Variants in ADAMTSL1 observed in about 807,000 individuals in gnomAD.
ADAMTSL1 encodes the protein ADAMTS-like protein 1.
Under a neutral mutation model 201.8 loss-of-function variants are expected in ADAMTSL1, and 126 were observed. The ratio of observed to expected loss-of-function variants is 0.62; its 90% CI spans 0.54 to 0.72. The LOEUF is 0.72. Among genes scored for constraint, ADAMTSL1 ranks in the 30% least tolerant of loss-of-function variants. ADAMTSL1 has a pLI of 0.00. For missense variants in ADAMTSL1, 2,679 were observed against 2,277.8 expected (o/e 1.18, Z -3.59); for synonymous variants, 1,121 against 903.4 (o/e 1.24, Z -4.32).
intron 1 of ADAMTSL1, among the ~76,000 whole-genome samples, chr9:17,949,690 C>T (rs1233389704): frequency 6.6e-6 from 1 of 152,130 alleles, no homozygotes; most frequent in Admixed American, 6.6e-5. Context: ...CCTTTCTTAT[C>T]TTTCTTCTCC....
At chr9:18,690,620 A>G (rs377253322) in intron 13 of ADAMTSL1, among the ~76,000 whole-genome samples, 17 of 152,348 alleles carry the variant, frequency 1.1e-4, no homozygotes, top group Admixed American at 9.8e-4. Context: ...ATCAATAAAA[A>G]GAATGTTCAA....
At chr9:18,903,043 A>G (rs996646610) in intron 26 of ADAMTSL1, among the ~76,000 whole-genome samples, 3 of 152,094 alleles carry the variant, frequency 2.0e-5, no homozygotes, top group African/African-American at 7.2e-5. Flanking sequence ...CATCTCTACT[A>G]AAAATACAAA....
At chr9:18,862,926 C>G (rs1353851507) in intron 23 of ADAMTSL1, among the ~76,000 whole-genome samples, 3 of 152,172 alleles carry the variant, frequency 2.0e-5, no homozygotes, top group Non-Finnish European at 2.9e-5. Flanking sequence ...CAAGAGCCTA[C>G]TGGCAGAGAA....
At chr9:18,437,129 G>A (rs147673008) in intron 2 of ADAMTSL1, among the ~76,000 whole-genome samples, 14 of 151,640 alleles carry the variant, frequency 9.2e-5, no homozygotes, top group African/African-American at 3.1e-4. Context: ...CATGGAGGGG[G>A]ACACTCTGCG....
At chr9:18,677,567 G>A (rs1353534968) in intron 10 of ADAMTSL1, among the ~76,000 whole-genome samples, 2 of 151,920 alleles carry the variant, frequency 1.3e-5, no homozygotes, top group Non-Finnish European at 2.9e-5. Context: ...TCAAGTTTAT[G>A]TTTTTCCTGT....
intron 1 of ADAMTSL1, among the ~76,000 whole-genome samples, chr9:17,962,534 T>C (rs1186298654): frequency 6.6e-6 from 1 of 152,154 alleles, no homozygotes; most frequent in Admixed American, 6.6e-5. Context: ...TAAAGAAAAC[T>C]TCTCATTGAG....
chr9:18,075,313 T>C (rs1237148358), intron 1 of ADAMTSL1, among the ~76,000 whole-genome samples: 1 of 152,194 alleles, frequency 6.6e-6, no homozygotes, highest in Non-Finnish European at 1.5e-5. Context: ...CTTGTATGCA[T>C]TTTTAAAAAG....
In ADAMTSL1 at chr9:18,167,278, T is replaced by C. The variant is rs146915368; in HGVS notation, c.207+3297T>C. 2.6e-5 allele frequency among the ~76,000 whole-genome samples: 4 copies of C among 152,088 alleles called. No individual in the cohort carries two copies. The East Asian group carries it at 5.8e-4, about 22-fold the overall frequency. On this transcript the variant is annotated intron_variant, in intron 2 of 29. Coordinates refer to the ADAMTSL1 transcript ENST00000680146. The stretch of plus-strand genomic sequence containing the variant: ...GTAATTAGTGTACACTTCATTTGCC[T>C]GTAGCTTTGTGGTAAACACAGTGGT...
chr9:18,335,004 A>G (rs1289845200), intron 2 of ADAMTSL1, among the ~76,000 whole-genome samples: 2 of 152,146 alleles, frequency 1.3e-5, no homozygotes, highest in East Asian at 3.9e-4. Context: ...AATTATTTGT[A>G]TATCATATAT....
intron 2 of ADAMTSL1, among the ~76,000 whole-genome samples, chr9:18,531,329 C>A (rs998959453): frequency 1.3e-5 from 2 of 152,174 alleles, no homozygotes; most frequent in African/African-American, 4.8e-5. Flanking sequence ...GAATAATCAT[C>A]GGTATCAGTA....
At chr9:17,971,113 A>G (rs909283294) in intron 1 of ADAMTSL1, among the ~76,000 whole-genome samples, 1 of 152,094 alleles carries the variant, frequency 6.6e-6, no homozygotes, top group African/African-American at 2.4e-5. Context: ...GGTGGCCTTA[A>G]TGCTGTTTGT....
intron 2 of ADAMTSL1, among the ~76,000 whole-genome samples, chr9:18,521,141 T>A (rs552366563): frequency 6.6e-6 from 1 of 152,214 alleles, no homozygotes; most frequent in Non-Finnish European, 1.5e-5. Flanking sequence ...AGACACATTT[T>A]AATGTTTAAG....
chr9:18,752,239 G>C (rs180856605), intron 15 of ADAMTSL1, among the ~76,000 whole-genome samples: 1 of 151,092 alleles, frequency 6.6e-6, no homozygotes. Context: ...GTGGAAACAG[G>C]TTGGAAAGTT....
intron 2 of ADAMTSL1, among the ~76,000 whole-genome samples, chr9:18,297,520 C>T (rs1833521140): frequency 6.6e-6 from 1 of 152,114 alleles, no homozygotes; most frequent in Non-Finnish European, 1.5e-5. Context: ...TCATGAACTG[C>T]AAGTTGCCAC....
At chr9:17,981,783 C>T (rs553255940) in intron 1 of ADAMTSL1, among the ~76,000 whole-genome samples, 2 of 152,234 alleles carry the variant, frequency 1.3e-5, no homozygotes, top group South Asian at 4.1e-4. Flanking sequence ...TGCTTTACCC[C>T]AGGACATCTT....
chr9:18,055,481 C>G (rs1266344497), intron 1 of ADAMTSL1, among the ~76,000 whole-genome samples: 4 of 152,212 alleles, frequency 2.6e-5, no homozygotes, highest in Non-Finnish European at 5.9e-5. Context: ...AAAAACCCTT[C>G]TATAAACTAT....
At chr9:18,409,776 C>G (rs939392077) in intron 2 of ADAMTSL1, among the ~76,000 whole-genome samples, 3 of 149,764 alleles carry the variant, frequency 2.0e-5, no homozygotes, top group African/African-American at 7.3e-5. Context: ...TACATACATA[C>G]ATGTTATGAC....
chr9:18,816,764 T>C, intron 20 of ADAMTSL1, among the ~76,000 whole-genome samples: 1 of 146,394 alleles, frequency 6.8e-6, no homozygotes, highest in East Asian at 2.0e-4. Flanking sequence ...TTGTAAACAT[T>C]TTTTAAATTT....
At chr9:18,103,121 G>A (rs1824603638) in intron 1 of ADAMTSL1, among the ~76,000 whole-genome samples, 2 of 152,184 alleles carry the variant, frequency 1.3e-5, no homozygotes, top group East Asian at 3.9e-4. Context: ...TTTATAATAA[G>A]CAAAGATGCC....
Sources: allele counts gnomAD v4.1 joint callset (sites outside exome capture counted in the v4.1 genomes callset), GRCh38; gene constraint gnomAD v4.1.1; transcripts MANE v1.5; gene names NCBI Gene and HGNC (gene_info 2026-07-23, HGNC 2026-07-21).